The following CSMD1 variants were observed in gnomAD, a reference collection of about 807,000 sequenced individuals.
CSMD1 encodes CUB and sushi domain-containing protein 1.
Under a neutral mutation model 417.5 loss-of-function variants are expected in CSMD1, and 213 were observed. That is an observed-to-expected ratio of 0.51 (90% CI 0.46 to 0.57). CSMD1 has a LOEUF of 0.57. Ranked by LOEUF, CSMD1 falls within the 20% of genes least tolerant of loss-of-function variation. The pLI is 0.00. For synonymous variants in CSMD1, 2,862 were observed against 1,736.8 expected (o/e 1.65, Z -16.11); for missense variants, 6,923 against 4,529.7 (o/e 1.53, Z -15.17).
In CSMD1 at chr8:4,350,898, T is replaced by G. The variant is rs573600755; in HGVS notation, c.415+69055A>C. The stretch of plus-strand genomic sequence containing the variant: ...GATGGAGGGGAAAGGATGTGCATTC[T>G]AAGGTGGGCCGTGCTTACAGGACCG... On this transcript the variant is annotated intron_variant, in intron 3 of 69. Transcript: ENST00000635120. Among the ~76,000 whole-genome samples the G allele has an allele frequency of 3.3e-5, 5 of 152,360 alleles. No homozygotes were observed. In the East Asian group the frequency reaches 9.6e-4, roughly 29 times the overall value.
chr8:4,824,221 T>C (rs1799684097), intron 1 of CSMD1, among the ~76,000 whole-genome samples: 1 of 152,248 alleles, frequency 6.6e-6, no homozygotes. Flanking sequence ...TGTAATGTTA[T>C]AGATTAGCCA....
intron 1 of CSMD1, among the ~76,000 whole-genome samples, chr8:4,653,638 G>A (rs1439865619): frequency 2.0e-5 from 3 of 152,066 alleles, no homozygotes; most frequent in African/African-American, 7.3e-5. Flanking sequence ...CAACTGCAGC[G>A]GGTTCCTGAT....
intron 3 of CSMD1, among the ~76,000 whole-genome samples, chr8:4,101,257 T>A (rs1441091702): frequency 6.6e-6 from 1 of 152,244 alleles, no homozygotes; most frequent in Non-Finnish European, 1.5e-5. Flanking sequence ...TGAGGTTAAC[T>A]CATTGCAACA....
intron 3 of CSMD1, among the ~76,000 whole-genome samples, chr8:4,109,480 C>A (rs1247183196): frequency 3.9e-5 from 6 of 152,156 alleles, no homozygotes; most frequent in African/African-American, 1.4e-4. Context: ...CCCTACTTTA[C>A]AATCCCATAC....
chr8:4,034,054 C>G (rs927560456), intron 3 of CSMD1, among the ~76,000 whole-genome samples: 1 of 152,136 alleles, frequency 6.6e-6, no homozygotes, highest in South Asian at 2.1e-4. Context: ...TATTTCATGT[C>G]TGTATCCATT....
At chr8:4,133,456 T>C (rs1244980440) in intron 3 of CSMD1, among the ~76,000 whole-genome samples, 1 of 152,182 alleles carries the variant, frequency 6.6e-6, no homozygotes, top group African/African-American at 2.4e-5. Context: ...TTACCTTATT[T>C]TTCTTTCAGC....
At chr8:3,787,111 A>G (rs965371290) in intron 5 of CSMD1, among the ~76,000 whole-genome samples, 5 of 152,290 alleles carry the variant, frequency 3.3e-5, no homozygotes, top group South Asian at 2.1e-4. Flanking sequence ...TGGTAACAAC[A>G]TAACTCAAGA....
intron 5 of CSMD1, among the ~76,000 whole-genome samples, chr8:3,775,668 G>A (rs1465513926): frequency 6.6e-6 from 1 of 152,166 alleles, no homozygotes; most frequent in Non-Finnish European, 1.5e-5. Context: ...CGGGGAGAGA[G>A]CCCAACACAG....
intron 23 of CSMD1, among the ~76,000 whole-genome samples, chr8:3,332,172 G>A (rs558793557): frequency 1.7e-4 from 26 of 152,338 alleles, no homozygotes; most frequent in African/African-American, 6.3e-4. Context: ...TCTATTAGAT[G>A]CACGGATATT....
chr8:3,389,500 C>A (rs546210825), intron 17 of CSMD1, among the ~76,000 whole-genome samples: 2 of 152,014 alleles, frequency 1.3e-5, no homozygotes, highest in South Asian at 4.2e-4. Flanking sequence ...CTCTAGGTTT[C>A]TGGGGAAAAA....
chr8:4,694,205 T>A (rs1288839863), intron 1 of CSMD1, among the ~76,000 whole-genome samples: 2 of 152,212 alleles, frequency 1.3e-5, no homozygotes, highest in Non-Finnish European at 2.9e-5. Flanking sequence ...AATGCGTATC[T>A]GATTGCTTCC....
intron 3 of CSMD1, among the ~76,000 whole-genome samples, chr8:4,076,454 A>G (rs149325706): frequency 1.3e-5 from 2 of 152,296 alleles, no homozygotes; most frequent in East Asian, 3.9e-4. Context: ...GAATATTTTA[A>G]CTGTAATAGT....
At chr8:4,404,572 CACTT>C (rs567609853) in intron 3 of CSMD1, among the ~76,000 whole-genome samples, 162 of 152,176 alleles carry the variant, frequency 1.1e-3, no homozygotes, top group African/African-American at 3.7e-3. Flanking sequence ...TTTTAAAACT[CACTT>C]AAATTTTAGC....
Position 4,768,518 on chromosome 8 carries a change from A to G in CSMD1, c.86-130960T>C, listed in dbSNP as rs542892780. On this transcript the variant is annotated intron_variant, in intron 1 of 69. Coordinates refer to ENST00000635120, the MANE Select transcript of CSMD1 (RefSeq NM_033225.6). ...CTCCTTAGCTGAGTTATTTGGGATG[A>G]AACTCTGTGGTAATCATTTGTTTGA... 5.9e-5 allele frequency among the ~76,000 whole-genome samples: 9 copies of G among 152,350 alleles called. No homozygotes were observed. The South Asian group carries it at 1.9e-3, about 32-fold the overall frequency.
chr8:3,761,657 C>G (rs1798009799), intron 5 of CSMD1, among the ~76,000 whole-genome samples: 1 of 151,964 alleles, frequency 6.6e-6, no homozygotes, highest in Admixed American at 6.6e-5. Flanking sequence ...AGGCACAAAC[C>G]ACCACACCTG....
intron 6 of CSMD1, among the ~76,000 whole-genome samples, chr8:3,711,740 A>G (rs1031309498): frequency 1.3e-5 from 2 of 152,188 alleles, no homozygotes; most frequent in Non-Finnish European, 2.9e-5. Flanking sequence ...CAAAATGGCA[A>G]ACGTATCACC....
At chr8:4,380,264 C>G (rs1803017594) in intron 3 of CSMD1, among the ~76,000 whole-genome samples, 1 of 152,122 alleles carries the variant, frequency 6.6e-6, no homozygotes, top group African/African-American at 2.4e-5. Context: ...CTGACAAACA[C>G]CTCTGCCAGG....
At chr8:3,683,783 C>G (rs1164874156) in intron 7 of CSMD1, among the ~76,000 whole-genome samples, 1 of 152,058 alleles carries the variant, frequency 6.6e-6, no homozygotes, top group Non-Finnish European at 1.5e-5. Flanking sequence ...CCAGTTAAAC[C>G]ACATCTGCTT....
chr8:3,271,644 C>T (rs1310880417), intron 26 of CSMD1, among the ~76,000 whole-genome samples: 2 of 152,320 alleles, frequency 1.3e-5, no homozygotes, highest in South Asian at 2.1e-4. Context: ...GATGGTATCT[C>T]ATTGTGGTTT....
Sources: allele counts gnomAD v4.1 joint callset (sites outside exome capture counted in the v4.1 genomes callset), GRCh38; gene constraint gnomAD v4.1.1; transcripts MANE v1.5; gene names NCBI Gene and HGNC (gene_info 2026-07-23, HGNC 2026-07-21).